The following ATP1A1 variants were observed in gnomAD, a reference collection of about 807,000 sequenced individuals.
ATP1A1 encodes the protein ATPase Na+/K+ transporting subunit alpha 1.
ATP1A1 carries 14 observed loss-of-function variants against 114.8 expected under a neutral mutation model. The observed-to-expected ratio is 0.12, with a 90% confidence interval of 0.08 to 0.19. ATP1A1 has a LOEUF of 0.19. Ranked by LOEUF, ATP1A1 falls within the 10% of genes least tolerant of loss-of-function variation. The pLI is 1.00. For missense variants in ATP1A1, 524 were observed against 1,290.7 expected (o/e 0.41, Z 9.10); for synonymous variants, 471 against 466.3 (o/e 1.01, Z -0.13).
In ATP1A1 at chr1:116,374,018, G is replaced by C. The variant is rs1651180444; in HGVS notation, c.12+495G>C. ...TCCCCTTCCCCTGGGGCGCTCCGCC[G>C]GGGCCTCCTCCCGGGCCTCCGTTCC... On this transcript the variant is annotated intron_variant, in intron 1 of 22. Coordinates refer to ENST00000295598, the MANE Select transcript of ATP1A1 (RefSeq NM_000701.8). 5 of 1,273,006 alleles carry C rather than the reference G, an allele frequency of 3.9e-6. 1 individual carries two copies. The highest frequency in any genetic ancestry group is 2.8e-4 in the Middle Eastern group (1 of 3,530). 78.9% of individuals were successfully genotyped at this position (1,273,006 alleles called of 1,614,324 possible). A position where few individuals can be genotyped will look rare whatever the true frequency, so the allele number is the denominator to read the frequency against.
At chr1:116,380,305 C>G (rs925429019) in intron 1 of ATP1A1, among the ~76,000 whole-genome samples, 1 of 152,154 alleles carries the variant, frequency 6.6e-6, no homozygotes, top group African/African-American at 2.4e-5. Context: ...TTCAAGTACC[C>G]TCTAAACTTT....
chr1:116,391,890 G>A (rs138585911), intron 10 of ATP1A1, among the ~76,000 whole-genome samples: 275 of 152,328 alleles, frequency 1.8e-3, no homozygotes, highest in African/African-American at 6.3e-3. Context: ...TATTTCTGGA[G>A]TTCGGCCATG....
chr1:116,392,169 A>G (rs1044302060), intron 10 of ATP1A1: 2 of 152,230 alleles, frequency 1.3e-5, no homozygotes, highest in Admixed American at 6.5e-5. Context: ...TGCTTTCAGT[A>G]TGTCAAAATA....
In ATP1A1 at chr1:116,388,247, A is replaced by G. The variant is rs752765302; in HGVS notation, c.501+3A>G. On this transcript the variant is annotated splice_donor_region_variant and intron_variant, in intron 5 of 22. Coordinates refer to ENST00000295598, the MANE Select transcript of ATP1A1 (RefSeq NM_000701.8). The surrounding 1 kb of genome is among the most constrained non-coding windows in gnomAD (Gnocchi z 5.6). ...CCTTCAAAAACATGGTCCCTCAGGT[A>G]CCAGACGCTTTGTCCTTCCCCAGTG... is the stretch of plus-strand genomic sequence containing the variant. 1 of 1,603,782 alleles carries G rather than the reference A, an allele frequency of 6.2e-7. No homozygotes were observed. Among genetic ancestry groups the G allele is most frequent in the East Asian group, 2.2e-5 (1 of 44,804 alleles).
intron 14 of ATP1A1, 95 bp downstream of exon 14, chr1:116,396,829 G>T: frequency 7.1e-7 from 1 of 1,399,718 alleles, no homozygotes; most frequent in Non-Finnish European, 9.4e-7. Context: ...TTGCATCTAG[G>T]CTTGCTCTGA....
intron 12 of ATP1A1, among the ~76,000 whole-genome samples, chr1:116,394,373 G>A (rs987143188): frequency 4.0e-5 from 6 of 151,894 alleles, no homozygotes; most frequent in Non-Finnish European, 8.8e-5. Flanking sequence ...TCTTAACTTG[G>A]GTAAATCTAA....
At position 116,389,573 on chromosome 1, in the gene ATP1A1, G is replaced by T. The variant is rs866444285; in HGVS notation, c.889G>T (p.Gly297Cys). The change falls in exon 8 of 23, where the codon GGT becomes TGT. Residue 297 changes from glycine to cysteine, a missense_variant. By Grantham distance (159) the Gly-to-Cys change is radical. Coordinates refer to ENST00000295598, the MANE Select transcript of ATP1A1 (RefSeq NM_000701.8). This position sits in a 1 kb window ranked among gnomAD's most constrained non-coding sequence, Gnocchi z 6.9. ...TGAACATTTTATCCACATCATCACG[G>T]GTGTGGCTGTGTTCCTGGGTGTGTC... is the stretch of plus-strand genomic sequence containing the variant. ...EIEHFIHIIT[G>C]VAVFLGVSFF... 1 of 1,614,142 alleles carries T rather than the reference G, an allele frequency of 6.2e-7. No individual in the cohort carries two copies. The highest frequency in any genetic ancestry group is 8.5e-7 in the Non-Finnish European group (1 of 1,180,030).
At position 116,399,665 on chromosome 1, in the gene ATP1A1, G is replaced by A. The variant is rs755431362; in HGVS notation, c.2572+122G>A. ...CAGGCGACTTTCAGGTCTAGGATGA[G>A]CCCTAACGGAGTGAGCCTGTGGAGT... is the stretch of plus-strand genomic sequence containing the variant. On this transcript the variant is annotated intron_variant, in intron 18 of 22. Transcript: ENST00000295598. The surrounding 1 kb of genome is among the most constrained non-coding windows in gnomAD (Gnocchi z 5.0). 9.2e-5 allele frequency: 126 copies of A among 1,371,688 alleles called. No homozygotes were observed. Among genetic ancestry groups the A allele is most frequent in the Non-Finnish European group, 1.2e-4 (124 of 1,012,290 alleles). The allele number at this position is 1,371,688 out of a possible 1,614,324, so 85.0% of individuals were successfully genotyped here. A position where few individuals can be genotyped will look rare whatever the true frequency, so the allele number is the denominator to read the frequency against.
chr1:116,393,035 C>CA lies in ATP1A1; in HGVS notation c.1467+50dup. ...CGGAGGGCGAGGGCAAGCTGGGGGA[C>CA]AAAGAGGGGAGGTACATGAGCAGGA... On this transcript the variant is annotated intron_variant, in intron 11 of 22. Transcript: ENST00000295598. The surrounding 1 kb of genome is among the most constrained non-coding windows in gnomAD (Gnocchi z 5.0). 6.2e-7 allele frequency: 1 copy of CA among 1,606,242 alleles called. No homozygotes were observed. The highest frequency in any genetic ancestry group is 8.5e-7 in the Non-Finnish European group (1 of 1,175,654).
At chr1:116,382,693 G>T (rs1179181165) in intron 1 of ATP1A1, 1 of 80,406 alleles carries the variant, frequency 1.2e-5, no homozygotes, top group African/African-American at 9.2e-5. Flanking sequence ...AGTGAACAAT[G>T]TATTTTATTT....
At chr1:116,377,299 T>C (rs1204460176) in intron 1 of ATP1A1, among the ~76,000 whole-genome samples, 1 of 152,242 alleles carries the variant, frequency 6.6e-6, no homozygotes, top group South Asian at 2.1e-4. Context: ...GCTATTGTTA[T>C]TGGGCTTACA....
Position 116,398,882 on chromosome 1 carries a change from A to C in ATP1A1, c.2294-48A>C. On this transcript the variant is annotated intron_variant, in intron 16 of 22. Transcript: ENST00000295598. This position sits in a 1 kb window ranked among gnomAD's most constrained non-coding sequence, Gnocchi z 6.1. The stretch of plus-strand genomic sequence containing the variant: ...TACTTCTTGGATATGTTCAGTTTCC[A>C]GTGTGCTTGTCTCATAAGCTAACAG... 2 of 1,612,106 alleles carry C rather than the reference A, an allele frequency of 1.2e-6. No individual in the cohort carries two copies. The highest frequency in any genetic ancestry group is 1.7e-6 in the Non-Finnish European group (2 of 1,178,368).
chr1:116,374,165 G>A, intron 1 of ATP1A1: 1 of 1,549,636 alleles, frequency 6.5e-7, no homozygotes, highest in Non-Finnish European at 8.7e-7. Flanking sequence ...AAAACTGGCT[G>A]CTTCTAAGTG....
At chr1:116,386,146 AAAAAAAAAAAAG>A (rs1652068644) in intron 3 of ATP1A1, 1 of 149,154 alleles carries the variant, frequency 6.7e-6, no homozygotes, top group Non-Finnish European at 1.5e-5. Flanking sequence ...AAAAAAAAAA[AAAAAAAAAAAAG>A]GAGAGAAGAA....
chr1:116,389,344 T>TAA lies in ATP1A1; in HGVS notation c.755-95_755-94insAA. The TAA allele has an allele frequency of 6.6e-7, 1 of 1,505,206 alleles. No homozygotes were observed. Among genetic ancestry groups the TAA allele is most frequent in the Non-Finnish European group, 9.0e-7 (1 of 1,115,212 alleles). 93.2% of individuals were successfully genotyped at this position (1,505,206 alleles called of 1,614,324 possible). A position where few individuals can be genotyped will look rare whatever the true frequency, so the allele number is the denominator to read the frequency against. On this transcript the variant is annotated intron_variant, in intron 7 of 22. Coordinates refer to ENST00000295598, the MANE Select transcript of ATP1A1 (RefSeq NM_000701.8). The surrounding 1 kb of genome is among the most constrained non-coding windows in gnomAD (Gnocchi z 6.9). ...AAAAAGTGCTTTTATCAACTCTTTT[T>TAA]GTTTTTTTAGTCATCCTATGTAATT...
At position 116,401,864 on chromosome 1, in the gene ATP1A1, T is replaced by C; in HGVS notation, c.2951+209T>C. On this transcript the variant is annotated intron_variant, in intron 21 of 22. Coordinates refer to ENST00000295598, the MANE Select transcript of ATP1A1 (RefSeq NM_000701.8). The surrounding 1 kb of genome is among the most constrained non-coding windows in gnomAD (Gnocchi z 4.7). ...CATGATAGCAGCTAGTGTTTAGGAT[T>C]TGGCCCAAGATAAGATAAAGCCACA... 1.7e-6 allele frequency: 1 copy of C among 600,392 alleles called. No homozygotes were observed. The highest frequency in any genetic ancestry group is 2.9e-6 in the Non-Finnish European group (1 of 340,652). 37.2% of individuals were successfully genotyped at this position (600,392 alleles called of 1,614,324 possible). A position where few individuals can be genotyped will look rare whatever the true frequency, so the allele number is the denominator to read the frequency against.
rs141335139 is a variant in ATP1A1, at chr1:116,381,301, A to G, written c.13-2713A>G. Among the ~76,000 whole-genome samples the G allele has an allele frequency of 6.6e-6, 1 of 152,308 alleles. No homozygotes were observed. The highest frequency in any genetic ancestry group is 1.9e-4 in the East Asian group (1 of 5,186). On this transcript the variant is annotated intron_variant, in intron 1 of 22. Transcript: ENST00000295598. This position sits in a 1 kb window ranked among gnomAD's most constrained non-coding sequence, Gnocchi z 5.1. ...GATTCTACCACTGTTCATCTCACGCAGTGTGCACTCCCTGACTCTGAATTT... is the reference window on the plus strand; with the variant it reads ...GATTCTACCACTGTTCATCTCACGCGGTGTGCACTCCCTGACTCTGAATTT...
intron 10 of ATP1A1, among the ~76,000 whole-genome samples, chr1:116,391,919 A>C (rs1441811493): frequency 6.6e-6 from 1 of 152,124 alleles, no homozygotes; most frequent in Non-Finnish European, 1.5e-5. Context: ...ATTATTACTA[A>C]AAAGCGGGGA....
At chr1:116,377,495 T>C (rs1280688959) in intron 1 of ATP1A1, among the ~76,000 whole-genome samples, 1 of 152,242 alleles carries the variant, frequency 6.6e-6, no homozygotes, top group Non-Finnish European at 1.5e-5. Flanking sequence ...AGTAGAGGTG[T>C]CAATTGACAT....
Sources: allele counts gnomAD v4.1 joint callset (sites outside exome capture counted in the v4.1 genomes callset), GRCh38; gene constraint gnomAD v4.1.1; non-coding constraint Gnocchi (gnomAD v3.1); transcripts MANE v1.5; gene names NCBI Gene and HGNC (gene_info 2026-07-23, HGNC 2026-07-21).